The following USP25 variants were observed in gnomAD, a reference collection of about 807,000 sequenced individuals.
The protein encoded by USP25 is ubiquitin specific peptidase 25.
In USP25, 85 loss-of-function variants were observed where a neutral mutation model predicts 158.5. The observed-to-expected ratio is 0.54, with a 90% confidence interval of 0.45 to 0.64. The LOEUF is 0.64. Among genes scored for constraint, USP25 ranks in the 30% least tolerant of loss-of-function variants. USP25 has a pLI of 0.00. For synonymous variants in USP25, 464 were observed against 460.4 expected (o/e 1.01, Z -0.10); for missense variants, 1,242 against 1,327.3 (o/e 0.94, Z 1.00).
rs1033312359 is a variant in USP25 at position 15,811,024 on chromosome 21, C to T, written c.858-113C>T. On this transcript the variant is annotated intron_variant, in intron 8 of 25. Transcript: ENST00000400183. ...TAAATAACAGAGCTAAATGCAAGTG[C>T]GTGATAGCCACATAAGTGTTTTTGT... 23 of 861,240 alleles carry T rather than the reference C, an allele frequency of 2.7e-5. No homozygotes were observed. In the Admixed American group the frequency reaches 3.0e-4, roughly 11 times the overall value. The allele number at this position is 861,240 out of a possible 1,614,324, so 53.3% of individuals were successfully genotyped here.
chr21:15,742,822 A>G (rs1407902161), intron 1 of USP25, among the ~76,000 whole-genome samples: 1 of 152,214 alleles, frequency 6.6e-6, no homozygotes, highest in Non-Finnish European at 1.5e-5. Flanking sequence ...TGCTCGGCCC[A>G]GCAGGGTGCT....
Position 15,816,548 on chromosome 21 carries a change from T to G in USP25, c.932-2150T>G, listed in dbSNP as rs2036945894. On this transcript the variant is annotated intron_variant, in intron 9 of 25. Transcript: ENST00000400183. This position sits in a 1 kb window ranked among gnomAD's most constrained non-coding sequence, Gnocchi z 4.0. ...TGGGTACTTCTAAGAAAAGTTGTATTTATAGTCTCTTTTTGCATATAAAGG... is the reference window on the plus strand; with the variant it reads ...TGGGTACTTCTAAGAAAAGTTGTATGTATAGTCTCTTTTTGCATATAAAGG... 6.6e-6 allele frequency among the ~76,000 whole-genome samples: 1 copy of G among 152,148 alleles called. No homozygotes were observed. The highest frequency in any genetic ancestry group is 2.4e-5 in the African/African-American group (1 of 41,430).
At chr21:15,878,202 T>C in intron 25 of USP25, 101 bp from the exon 26 acceptor site, 1 of 1,454,214 alleles carries the variant, frequency 6.9e-7, no homozygotes, top group Non-Finnish European at 9.2e-7. Context: ...AAAATGGCAA[T>C]TATCTTACCT....
intron 17 of USP25, among the ~76,000 whole-genome samples, chr21:15,835,014 C>G (rs2037994181): frequency 6.6e-6 from 1 of 152,206 alleles, no homozygotes; most frequent in African/African-American, 2.4e-5. Context: ...TGATTTCATG[C>G]TTTGCATTCT....
intron 1 of USP25, among the ~76,000 whole-genome samples, chr21:15,740,531 A>T (rs973390552): frequency 6.6e-6 from 1 of 151,046 alleles, no homozygotes; most frequent in Admixed American, 6.6e-5. Flanking sequence ...GCTAGGTGGG[A>T]TACTTGCCCC....
At chr21:15,783,204 A>G (rs7281215) in intron 4 of USP25, among the ~76,000 whole-genome samples, 147,538 of 151,000 alleles carry the variant, frequency 0.98, 72,102 homozygotes, top group African/African-American at 0.99. Flanking sequence ...CCCATTCAGA[A>G]GAAGAAAAAA....
At chr21:15,759,401 C>CT (rs1235943405) in intron 1 of USP25, among the ~76,000 whole-genome samples, 1 of 152,078 alleles carries the variant, frequency 6.6e-6, no homozygotes, top group Admixed American at 6.5e-5. Flanking sequence ...CAACATGTGT[C>CT]TAAGGTGGTT....
intron 20 of USP25, among the ~76,000 whole-genome samples, chr21:15,861,462 T>C (rs185309051): frequency 6.6e-6 from 1 of 152,164 alleles, no homozygotes; most frequent in African/African-American, 2.4e-5. Flanking sequence ...TTAAAATAAT[T>C]AGCATAGACC....
intron 10 of USP25, among the ~76,000 whole-genome samples, chr21:15,821,674 A>AT (rs1265129385): frequency 2.0e-5 from 3 of 151,972 alleles, no homozygotes; most frequent in Non-Finnish European, 4.4e-5. Flanking sequence ...ACTGGAGCTA[A>AT]TTTTTTAACT....
At chr21:15,786,504 A>G (rs2035282439) in intron 4 of USP25, among the ~76,000 whole-genome samples, 1 of 152,190 alleles carries the variant, frequency 6.6e-6, no homozygotes, top group African/African-American at 2.4e-5. Flanking sequence ...GATACATCAC[A>G]GTAACAAAGA....
chr21:15,862,633 T>G (rs1328639588), intron 20 of USP25, among the ~76,000 whole-genome samples: 1 of 149,588 alleles, frequency 6.7e-6, no homozygotes, highest in Non-Finnish European at 1.5e-5. Flanking sequence ...TAAGAGAAGC[T>G]TATGTGTGCT....
intron 23 of USP25, among the ~76,000 whole-genome samples, chr21:15,871,280 T>A (rs2039873943): frequency 6.6e-6 from 1 of 152,248 alleles, no homozygotes; most frequent in Non-Finnish European, 1.5e-5. Context: ...CTTACTTTGA[T>A]CAATACCTCC....
chr21:15,850,216 T>A (rs1273257076), intron 20 of USP25, among the ~76,000 whole-genome samples: 1 of 152,088 alleles, frequency 6.6e-6, no homozygotes, highest in Non-Finnish European at 1.5e-5. Flanking sequence ...CTGGTAATAG[T>A]TTATTTTATC....
At chr21:15,736,457 T>C (rs1015748889) in intron 1 of USP25, among the ~76,000 whole-genome samples, 2 of 152,208 alleles carry the variant, frequency 1.3e-5, no homozygotes, top group African/African-American at 4.8e-5. Context: ...TGATAACTGA[T>C]AAATTTAATC....
intron 16 of USP25, 57 bp downstream of exon 16, chr21:15,831,686 T>C: frequency 7.2e-7 from 1 of 1,392,748 alleles, no homozygotes; most frequent in African/African-American, 1.4e-5. Context: ...GGCTCTGGTA[T>C]GTGGTGTGAT....
At position 15,729,987 on chromosome 21, in the gene USP25, G is replaced by C. The variant is rs1027382770; in HGVS notation, c.-407G>C. The C allele has an allele frequency of 1.3e-5, 2 of 151,502 alleles. No individual in the cohort carries two copies. Among genetic ancestry groups the C allele is most frequent in the Admixed American group, 6.6e-5 (1 of 15,214 alleles). The allele number at this position is 151,502 out of a possible 1,614,324, so 9.4% of individuals were successfully genotyped here. A position where few individuals can be genotyped will look rare whatever the true frequency, so the allele number is the denominator to read the frequency against. On this transcript the variant is annotated 5_prime_UTR_variant, in exon 1 of 26. Transcript: ENST00000400183. Reference sequence around the variant, plus strand: ...GGAGGGAGGAGGACAACGCCATTCCGGGCGGCCGCTCCCTCCGTCCCCTCT... The same window carrying C: ...GGAGGGAGGAGGACAACGCCATTCCCGGCGGCCGCTCCCTCCGTCCCCTCT...
intron 3 of USP25, among the ~76,000 whole-genome samples, chr21:15,776,619 ATATTTT>A (rs1027476152): frequency 4.6e-5 from 7 of 151,942 alleles, no homozygotes; most frequent in African/African-American, 1.7e-4. Context: ...TACAAAGAAA[ATATTTT>A]TAACATGTCT....
At chr21:15,760,030 A>G (rs1369610019) in intron 1 of USP25, among the ~76,000 whole-genome samples, 1 of 152,246 alleles carries the variant, frequency 6.6e-6, no homozygotes, top group Non-Finnish European at 1.5e-5. Flanking sequence ...TTTTTATGGA[A>G]GTGAAATTCT....
intron 20 of USP25, among the ~76,000 whole-genome samples, chr21:15,860,968 A>G (rs942830619): frequency 1.4e-5 from 2 of 143,374 alleles, no homozygotes; most frequent in African/African-American, 5.1e-5. Context: ...ATATATATAT[A>G]TATATATAGA....
Sources: allele counts gnomAD v4.1 joint callset (sites outside exome capture counted in the v4.1 genomes callset), GRCh38; gene constraint gnomAD v4.1.1; non-coding constraint Gnocchi (gnomAD v3.1); transcripts MANE v1.5; gene names NCBI Gene and HGNC (gene_info 2026-07-23, HGNC 2026-07-21).